The following RNF144A variants were observed in gnomAD, a reference collection of about 807,000 sequenced individuals.
RNF144A encodes E3 ubiquitin-protein ligase RNF144A.
Under a neutral mutation model 38.7 loss-of-function variants are expected in RNF144A, and 11 were observed. The ratio of observed to expected loss-of-function variants is 0.28; its 90% confidence interval spans 0.18 to 0.47. RNF144A has a LOEUF of 0.47. RNF144A is among the 20% of genes least tolerant of loss of function. RNF144A has a pLI of 0.99. For missense variants in RNF144A, 316 were observed against 377.2 expected, an observed-to-expected ratio of 0.84 and a Z score of 1.34; for synonymous variants, 149 against 143.9, an observed-to-expected ratio of 1.04 and a Z score of -0.25.
intron 2 of RNF144A, among the ~76,000 whole-genome samples, chr2:6,980,549 G>A (rs900298248): frequency 8.5e-5 from 13 of 152,224 alleles, no homozygotes; most frequent in African/African-American, 3.1e-4. Flanking sequence ...CAAATCCTGG[G>A]CATGGTGATG....
rs554443306 is a variant in RNF144A, at chr2:6,997,448, G to A, written c.135+387G>A. Among the ~76,000 whole-genome samples, 6 of 152,358 alleles carry A rather than the reference G, an allele frequency of 3.9e-5. No individual in the cohort carries two copies. The South Asian group carries it at 8.3e-4, about 21-fold the overall frequency. ...CTAACCTAGTGATTGTGTGTAGCTA[G>A]AATATTCAGTCCTCAGTGTCATCTC... On this transcript the variant is annotated intron_variant, in intron 3 of 8. Transcript: ENST00000320892.
chr2:7,002,220 T>G (rs1572377507), intron 3 of RNF144A, among the ~76,000 whole-genome samples: 5 of 152,314 alleles, frequency 3.3e-5, no homozygotes, highest in Non-Finnish European at 1.5e-5. Context: ...TAGTGGGTGC[T>G]TTTTTGTGCA....
In RNF144A at chr2:7,030,116, C is replaced by G; in HGVS notation, c.658-10C>G. 1 of 1,603,838 alleles carries G rather than the reference C, an allele frequency of 6.2e-7. No individual in the cohort carries two copies. Among genetic ancestry groups the G allele is most frequent in the East Asian group, 2.2e-5 (1 of 44,830 alleles). ...CTCGTTCATGCCGTCTCTGTCTCTGCCCCTCACAGGATGATTTCCTTCTGA... is the reference window on the plus strand; with the variant it reads ...CTCGTTCATGCCGTCTCTGTCTCTGGCCCTCACAGGATGATTTCCTTCTGA... On this transcript the variant is annotated splice_polypyrimidine_tract_variant and intron_variant, in intron 7 of 8. Coordinates refer to ENST00000320892, the MANE Select transcript of RNF144A (RefSeq NM_014746.6).
intron 6 of RNF144A, chr2:7,020,884 T>C (rs926509671): frequency 1.4e-5 from 8 of 583,788 alleles, no homozygotes; most frequent in African/African-American, 1.1e-4. Context: ...TACCAGGCAC[T>C]GTGTGAGGCC....
intron 6 of RNF144A, among the ~76,000 whole-genome samples, chr2:7,052,693 C>A (rs1673576272): frequency 6.6e-6 from 1 of 152,160 alleles, no homozygotes; most frequent in Non-Finnish European, 1.5e-5. Flanking sequence ...CTGGCTGTGA[C>A]CCCCATGCTG....
chr2:7,046,326 C>T (rs903003925), downstream of RNF144A, among the ~76,000 whole-genome samples: 14 of 152,174 alleles, frequency 9.2e-5, no homozygotes, highest in African/African-American at 2.4e-4. Context: ...TGTGCATTTT[C>T]GGATGAAGCC....
At chr2:7,012,589 C>A (rs1045354983) in intron 3 of RNF144A, among the ~76,000 whole-genome samples, 2 of 152,220 alleles carry the variant, frequency 1.3e-5, no homozygotes, top group Non-Finnish European at 2.9e-5. Context: ...CTCATTGTTA[C>A]AATGGTTCAC....
At chr2:7,031,408 A>G (rs1376189202) in intron 8 of RNF144A, among the ~76,000 whole-genome samples, 1 of 152,218 alleles carries the variant, frequency 6.6e-6, no homozygotes, top group African/African-American at 2.4e-5. Context: ...AACCTAATAA[A>G]TCAGCTAGAG....
chr2:6,962,914 G>A lies in RNF144A; in HGVS notation c.-12+21767G>A, dbSNP rs144635451. Among the ~76,000 whole-genome samples the A allele has an allele frequency of 4.1e-3, 630 of 152,264 alleles. 19 individuals carry two copies. The highest frequency in any genetic ancestry group is 0.034 in the Admixed American group (520 of 15,300). On this transcript the variant is annotated intron_variant, in intron 2 of 8. Transcript: ENST00000320892. The surrounding 1 kb of genome is among the most constrained non-coding windows in gnomAD (Gnocchi z 4.1). ...GGTGGTCTTTGAACTGTGATTGATC[G>A]TTGAAGGGAGATGACAAGATCATTT...
intron 7 of RNF144A, 112 bp from the exon 8 acceptor site, chr2:7,030,014 C>G: frequency 1.3e-6 from 1 of 778,698 alleles, no homozygotes. Context: ...TCACCTCCCT[C>G]ATGTCTCCAC....
chr2:7,071,174 G>A (rs1399273327), downstream of RNF144A, among the ~76,000 whole-genome samples: 1 of 152,144 alleles, frequency 6.6e-6, no homozygotes, highest in East Asian at 1.9e-4. Flanking sequence ...GACCTCATGT[G>A]CTCCACCCTC....
In RNF144A at chr2:7,044,054, A is replaced by G; in HGVS notation, c.*4294A>G. On this transcript the variant is annotated 3_prime_UTR_variant, in exon 9 of 9. Coordinates refer to ENST00000320892, the MANE Select transcript of RNF144A (RefSeq NM_014746.6). ...TGTTTTGTACTCTGGAATCATATGG[A>G]AAAAGTTTGATTTGTAATTTCAATA... is the stretch of plus-strand genomic sequence containing the variant. The G allele has an allele frequency of 1.0e-6, 1 of 985,800 alleles. No homozygotes were observed. The highest frequency in any genetic ancestry group is 1.2e-6 in the Non-Finnish European group (1 of 829,898). The allele number at this position is 985,800 out of a possible 1,614,324, so 61.1% of individuals were successfully genotyped here.
chr2:6,968,133 C>A (rs147736525), intron 2 of RNF144A, among the ~76,000 whole-genome samples: 11 of 152,310 alleles, frequency 7.2e-5, no homozygotes, highest in Admixed American at 4.6e-4. Context: ...AATGGTATCA[C>A]GTAAAACAGC....
At chr2:6,992,753 G>A (rs11679967) in intron 2 of RNF144A, among the ~76,000 whole-genome samples, 40,651 of 152,126 alleles carry the variant, frequency 0.27, 6,148 homozygotes, top group Middle Eastern at 0.36. Context: ...CTTGGACCTT[G>A]CAGGAATCTG....
chr2:7,042,847 T>G lies in RNF144A; in HGVS notation c.*3087T>G. On this transcript the variant is annotated 3_prime_UTR_variant, in exon 9 of 9. Transcript: ENST00000320892. ...AGCTGTGGACAGAGGAACCAACATC[T>G]GCCACCTCTGGCATTTTCTTTCTTT... 1.0e-6 allele frequency: 1 copy of G among 985,452 alleles called. No individual in the cohort carries two copies. Among genetic ancestry groups the G allele is most frequent in the Non-Finnish European group, 1.2e-6 (1 of 829,926 alleles). The allele number at this position is 985,452 out of a possible 1,614,324, so 61.0% of individuals were successfully genotyped here.
chr2:6,965,191 T>C (rs1486305358), intron 2 of RNF144A, among the ~76,000 whole-genome samples: 2 of 152,158 alleles, frequency 1.3e-5, no homozygotes, highest in African/African-American at 2.4e-5. Flanking sequence ...ACAAGAAATG[T>C]GAAACAACCT....
chr2:6,924,761 T>C (rs1176030314), intron 1 of RNF144A, among the ~76,000 whole-genome samples: 1 of 152,266 alleles, frequency 6.6e-6, no homozygotes, highest in African/African-American at 2.4e-5. Flanking sequence ...GTTGAAGAAG[T>C]GCAACTGCTA....
chr2:6,953,500 T>A (rs1180165884), intron 2 of RNF144A, among the ~76,000 whole-genome samples: 1 of 152,224 alleles, frequency 6.6e-6, no homozygotes, highest in Non-Finnish European at 1.5e-5. Flanking sequence ...TTCTCATTAA[T>A]GTTTAGTTCT....
At chr2:6,947,509 C>G (rs1215761745) in intron 2 of RNF144A, among the ~76,000 whole-genome samples, 2 of 151,814 alleles carry the variant, frequency 1.3e-5, no homozygotes, top group African/African-American at 4.8e-5. Context: ...AATTTGTGCC[C>G]GAGAAGAAAG....
Sources: gnomAD v4.1 joint callset for allele counts (sites outside exome capture counted in the v4.1 genomes callset) on GRCh38, gnomAD v4.1.1 for gene constraint, Gnocchi (gnomAD v3.1) non-coding constraint, MANE v1.5 for transcripts, NCBI Gene and HGNC (gene_info 2026-07-23, HGNC 2026-07-21) for gene names.